The following LRMDA variants were observed in gnomAD, a reference collection of about 807,000 sequenced individuals.
LRMDA encodes leucine rich melanocyte differentiation associated, also known as leucine-rich melanocyte differentiation-associated protein.
In LRMDA, 18 loss-of-function variants were observed where a neutral mutation model predicts 29.8. The observed-to-expected ratio is 0.60, with a 90% CI of 0.42 to 0.90. The LOEUF is 0.90. LRMDA is among the 40% of genes least tolerant of loss of function. The pLI is 0.00. For synonymous variants in LRMDA, 125 were observed against 109.4 expected (o/e 1.14, Z -0.89); for missense variants, 273 against 273.9 (o/e 1.00, Z 0.02).
At chr10:76,262,872 C>T (rs180975661) in intron 5 of LRMDA, among the ~76,000 whole-genome samples, 65 of 152,374 alleles carry the variant, frequency 4.3e-4, no homozygotes, top group African/African-American at 1.5e-3. Context: ...CTGTGCCTGA[C>T]TGCTGCTGTG....
At chr10:76,009,141 G>A (rs1847727078) in intron 2 of LRMDA, among the ~76,000 whole-genome samples, 1 of 152,096 alleles carries the variant, frequency 6.6e-6, no homozygotes. Flanking sequence ...CCCTCACTCT[G>A]CTTTTAATGA....
chr10:75,684,028 C>A (rs2132154925), intron 2 of LRMDA, among the ~76,000 whole-genome samples: 1 of 152,324 alleles, frequency 6.6e-6, no homozygotes, highest in East Asian at 1.9e-4. Flanking sequence ...CTTGGAAGAT[C>A]TTTGGAGATT....
chr10:76,237,989 C>T (rs536484365), intron 5 of LRMDA, among the ~76,000 whole-genome samples: 1 of 151,970 alleles, frequency 6.6e-6, no homozygotes, highest in East Asian at 1.9e-4. Context: ...TGGGGTTTTG[C>T]CATATTGGCC....
At chr10:75,792,257 G>GTGGTTGTT (rs1843580572) in intron 2 of LRMDA, among the ~76,000 whole-genome samples, 1 of 148,324 alleles carries the variant, frequency 6.7e-6, no homozygotes. Flanking sequence ...TGAGGTACTG[G>GTGGTTGTT]TGTTTGTTTG....
intron 5 of LRMDA, among the ~76,000 whole-genome samples, chr10:76,267,367 A>G (rs1269103927): frequency 1.3e-5 from 2 of 152,192 alleles, no homozygotes; most frequent in Admixed American, 6.5e-5. Flanking sequence ...TAAGCATAAA[A>G]TTCAGTGGCA....
intron 2 of LRMDA, among the ~76,000 whole-genome samples, chr10:75,869,351 A>G (rs1170370653): frequency 5.3e-5 from 8 of 152,176 alleles, no homozygotes; most frequent in Admixed American, 5.2e-4. Context: ...CCCCAGCCTG[A>G]TACAGGCCCA....
intron 2 of LRMDA, among the ~76,000 whole-genome samples, chr10:75,641,048 A>C (rs1395324741): frequency 6.6e-6 from 1 of 152,224 alleles, no homozygotes; most frequent in Non-Finnish European, 1.5e-5. Context: ...GTAGAGGTGG[A>C]AAAACACTTT....
intron 6 of LRMDA, among the ~76,000 whole-genome samples, chr10:76,482,384 G>T (rs1409284647): frequency 1.3e-5 from 2 of 151,906 alleles, no homozygotes; most frequent in Non-Finnish European, 2.9e-5. Flanking sequence ...TTCTTACTTA[G>T]CATTTAATAA....
intron 2 of LRMDA, among the ~76,000 whole-genome samples, chr10:76,032,292 G>GC (rs1162637858): frequency 3.3e-5 from 5 of 152,116 alleles, no homozygotes; most frequent in Non-Finnish European, 5.9e-5. Flanking sequence ...CCTACCCATG[G>GC]CCCCCCCATG....
rs1849891468 is a variant in LRMDA, at chr10:76,126,781, G to C, written c.516+67998G>C. ...TAGCTGTGGGCAGAATTGTGGAGTT[G>C]CATGTTAAAAACCACAAGAGAGCTG... is the stretch of plus-strand genomic sequence containing the variant. On this transcript the variant is annotated intron_variant, in intron 5 of 6. Transcript: ENST00000611255. 2.0e-5 allele frequency among the ~76,000 whole-genome samples: 3 copies of C among 152,172 alleles called. No individual in the cohort carries two copies. In the South Asian group the frequency reaches 6.2e-4, roughly 32 times the overall value.
intron 2 of LRMDA, among the ~76,000 whole-genome samples, chr10:75,494,389 A>G (rs1192538075): frequency 1.3e-5 from 2 of 152,128 alleles, no homozygotes; most frequent in African/African-American, 2.4e-5. Flanking sequence ...TGTTGAAACA[A>G]CTTCCTAAAG....
At chr10:76,132,495 G>T (rs942291756) in intron 5 of LRMDA, among the ~76,000 whole-genome samples, 1 of 152,192 alleles carries the variant, frequency 6.6e-6, no homozygotes, top group Non-Finnish European at 1.5e-5. Flanking sequence ...GCAAGATGAT[G>T]TTCAGGGTCA....
intron 2 of LRMDA, among the ~76,000 whole-genome samples, chr10:75,797,362 TA>T (rs1286532996): frequency 6.6e-6 from 1 of 152,190 alleles, no homozygotes. Context: ...CTAATCTTGC[TA>T]GGGGGTTGAC....
chr10:75,939,061 G>A (rs778054238), intron 2 of LRMDA, among the ~76,000 whole-genome samples: 2 of 152,182 alleles, frequency 1.3e-5, no homozygotes, highest in Non-Finnish European at 2.9e-5. Context: ...AATTAGCCAT[G>A]ATTAGGCTTT....
chr10:76,084,364 A>ATTTTTTTTTTTTT (rs71024586), intron 5 of LRMDA, among the ~76,000 whole-genome samples: 4 of 70,908 alleles, frequency 5.6e-5, no homozygotes, highest in African/African-American at 5.8e-5. Context: ...CGCCCAGCTA[A>ATTTTTTTTTTTTT]TTTTTTTTTT....
At chr10:75,626,960 C>G (rs1034876173) in intron 2 of LRMDA, among the ~76,000 whole-genome samples, 1 of 152,208 alleles carries the variant, frequency 6.6e-6, no homozygotes, top group Admixed American at 6.5e-5. Context: ...TAATGCTGTG[C>G]TGTCCCTTGA....
chr10:75,591,194 A>G (rs527797694), intron 2 of LRMDA, among the ~76,000 whole-genome samples: 2 of 152,314 alleles, frequency 1.3e-5, no homozygotes, highest in South Asian at 2.1e-4. Context: ...CATCATCTCT[A>G]CAAAACCAAA....
At chr10:76,100,720 C>G (rs1849382414) in intron 5 of LRMDA, among the ~76,000 whole-genome samples, 3 of 152,174 alleles carry the variant, frequency 2.0e-5, no homozygotes. Context: ...CTACCTCTTT[C>G]CCAGCAATTT....
At chr10:76,044,720 C>T (rs1340409502) in intron 3 of LRMDA, among the ~76,000 whole-genome samples, 1 of 152,144 alleles carries the variant, frequency 6.6e-6, no homozygotes, top group Non-Finnish European at 1.5e-5. Flanking sequence ...ATTCTCACCT[C>T]CTCATTCTAG....
Sources: gnomAD v4.1 joint callset for allele counts (sites outside exome capture counted in the v4.1 genomes callset) on GRCh38, gnomAD v4.1.1 for gene constraint, MANE v1.5 for transcripts, NCBI Gene and HGNC (gene_info 2026-07-23, HGNC 2026-07-21) for gene names.